The following ICMT variants were observed in gnomAD, a reference collection of about 807,000 sequenced individuals.
The protein encoded by ICMT is isoprenylcysteine carboxyl methyltransferase.
In ICMT, 10 loss-of-function variants were observed where a neutral mutation model predicts 32.2. That is an observed-to-expected ratio of 0.31 (90% CI 0.19 to 0.53). The LOEUF (loss-of-function observed/expected upper bound fraction) is 0.53. Ranked by LOEUF, ICMT falls within the 20% of genes least tolerant of loss-of-function variation. ICMT has a pLI of 0.96. For synonymous variants in ICMT, 183 were observed against 158.2 expected (o/e 1.16, Z -1.18); for missense variants, 265 against 356.9 (o/e 0.74, Z 2.07).
Position 6,223,690 on chromosome 1 carries a change from T to A in ICMT, c.*1390A>T, listed in dbSNP as rs969736381. On this transcript the variant is annotated 3_prime_UTR_variant, in exon 5 of 5. Coordinates refer to ENST00000343813, the MANE Select transcript of ICMT (RefSeq NM_012405.4). ...CAGTCCTCACAACACCCCTGTGAGG[T>A]AGGTGGTATTGACCCCATTCCACAG... 1.3e-5 allele frequency: 2 copies of A among 152,176 alleles called. No individual in the cohort carries two copies. Among genetic ancestry groups the A allele is most frequent in the African/African-American group, 4.8e-5 (2 of 41,448 alleles). The allele number at this position is 152,176 out of a possible 1,614,324, so 9.4% of individuals were successfully genotyped here.
At chr1:6,228,047 C>A (rs1668672419) in intron 4 of ICMT, among the ~76,000 whole-genome samples, 1 of 152,168 alleles carries the variant, frequency 6.6e-6, no homozygotes, top group Non-Finnish European at 1.5e-5. Flanking sequence ...CACTTATAGT[C>A]CCAGCTACTC....
chr1:6,235,656 G>A, intron 1 of ICMT, 61 bp downstream of exon 1: 2 of 1,076,862 alleles, frequency 1.9e-6, no homozygotes, highest in Non-Finnish European at 2.3e-6. Context: ...GTGCCCACGC[G>A]CCGCGCCAAG....
At position 6,224,847 on chromosome 1, in the gene ICMT, C is replaced by T. The variant is rs1039449919; in HGVS notation, c.*233G>A. 3.2e-5 allele frequency: 16 copies of T among 505,064 alleles called. No homozygotes were observed. Among genetic ancestry groups the T allele is most frequent in the African/African-American group, 2.3e-4 (12 of 51,188 alleles). 31.3% of individuals were successfully genotyped at this position (505,064 alleles called of 1,614,324 possible). On this transcript the variant is annotated 3_prime_UTR_variant, in exon 5 of 5. Transcript: ENST00000343813. Reference sequence around the variant, plus strand: ...GCTGTGGAATATTGCTGTGATTTGCCCCTTACTCGTCTTTCACCCATGTTC... The same window carrying T: ...GCTGTGGAATATTGCTGTGATTTGCTCCTTACTCGTCTTTCACCCATGTTC...
At position 6,222,605 on chromosome 1, in the gene ICMT, A is replaced by C. The variant is rs753995274; in HGVS notation, c.*2475T>G. ...GACAGCATTTCACCATGAAACCCTA[A>C]GACCTGCCTCCTGGGCTCCTTCCAG... On this transcript the variant is annotated 3_prime_UTR_variant, in exon 5 of 5. Coordinates refer to ENST00000343813, the MANE Select transcript of ICMT (RefSeq NM_012405.4). 4 of 152,284 alleles carry C rather than the reference A, an allele frequency of 2.6e-5. No homozygotes were observed. The highest frequency in any genetic ancestry group is 5.9e-5 in the Non-Finnish European group (4 of 68,082). The allele number at this position is 152,284 out of a possible 1,614,324, so 9.4% of individuals were successfully genotyped here.
Position 6,222,339 on chromosome 1 carries a change from C to G in ICMT, c.*2741G>C, listed in dbSNP as rs1668568466. On this transcript the variant is annotated 3_prime_UTR_variant, in exon 5 of 5. Coordinates refer to ENST00000343813, the MANE Select transcript of ICMT (RefSeq NM_012405.4). ...TCAGGAGGCTGAGGCAGGAGAATCGCTTGAACCCGGGAGGCAGAGGTTGCG... is the reference window on the plus strand; with the variant it reads ...TCAGGAGGCTGAGGCAGGAGAATCGGTTGAACCCGGGAGGCAGAGGTTGCG... 1 of 152,510 alleles carries G rather than the reference C, an allele frequency of 6.6e-6. No homozygotes were observed. Among genetic ancestry groups the G allele is most frequent in the African/African-American group, 2.4e-5 (1 of 41,462 alleles). 9.4% of individuals were successfully genotyped at this position (152,510 alleles called of 1,614,324 possible).
chr1:6,231,703 C>T (rs781487073), intron 4 of ICMT, among the ~76,000 whole-genome samples, 199 bp downstream of exon 4: 1 of 152,148 alleles, frequency 6.6e-6, no homozygotes, highest in Non-Finnish European at 1.5e-5. Context: ...GTTCTCTTGA[C>T]TTTTATTAAA....
At chr1:6,230,535 A>G (rs1475729784) in intron 4 of ICMT, among the ~76,000 whole-genome samples, 1 of 149,804 alleles carries the variant, frequency 6.7e-6, no homozygotes, top group Non-Finnish European at 1.5e-5. Context: ...GCAGTGAGCC[A>G]TGATCAGAAC....
intron 1 of ICMT, among the ~76,000 whole-genome samples, chr1:6,235,421 G>C (rs1668806985): frequency 6.6e-6 from 1 of 152,218 alleles, no homozygotes; most frequent in African/African-American, 2.4e-5. Context: ...TTTGACCTGA[G>C]ACAGGGCAGC....
rs961007748 is a variant in ICMT, at chr1:6,223,331, A to T, written c.*1749T>A. On this transcript the variant is annotated 3_prime_UTR_variant, in exon 5 of 5. Transcript: ENST00000343813. ...ATCATGTTGGCCAGGCTGGTCTCGA[A>T]CGCCTGACCTCATGATCCACCCGCC... The T allele has an allele frequency of 4.6e-5, 7 of 152,140 alleles. No individual in the cohort carries two copies. Among genetic ancestry groups the T allele is most frequent in the Admixed American group, 3.3e-4 (5 of 15,272 alleles). The allele number at this position is 152,140 out of a possible 1,614,324, so 9.4% of individuals were successfully genotyped here. A position where few individuals can be genotyped will look rare whatever the true frequency, so the allele number is the denominator to read the frequency against.
chr1:6,235,379 G>A (rs768121119), intron 1 of ICMT, among the ~76,000 whole-genome samples: 56 of 152,318 alleles, frequency 3.7e-4, no homozygotes, highest in Non-Finnish European at 6.8e-4. Context: ...CCGGGCCTGT[G>A]CGCCCAGCCC....
Position 6,235,951 on chromosome 1 carries a change from T to TAGCCCGGAGAACCGCGCCGGCTGC in ICMT, c.-41_-40insGCAGCCGGCGCGGTTCTCCGGGCT. The TAGCCCGGAGAACCGCGCCGGCTGC allele has an allele frequency of 9.7e-7, 1 of 1,026,544 alleles. No homozygotes were observed. Among genetic ancestry groups the TAGCCCGGAGAACCGCGCCGGCTGC allele is most frequent in the African/African-American group, 1.8e-5 (1 of 57,086 alleles). 63.6% of individuals were successfully genotyped at this position (1,026,544 alleles called of 1,614,324 possible). On this transcript the variant is annotated 5_prime_UTR_variant, in exon 1 of 5. Transcript: ENST00000343813. ...GACTAGCGGGCGGCGGCGCCGGCTG[T>TAGCCCGGAGAACCGCGCCGGCTGC]AGCCCGGAGAAACGCGCCGGCTGCG...
chr1:6,234,872 G>T lies in ICMT; in HGVS notation c.284+14C>A. ...CCCTCGCCTGAAAACCAGTATTTCC[G>T]AAGGAATTCTTACCAGCCAAAGTGA... On this transcript the variant is annotated intron_variant, in intron 2 of 4. Coordinates refer to ENST00000343813, the MANE Select transcript of ICMT (RefSeq NM_012405.4). 1 of 1,596,620 alleles carries T rather than the reference G, an allele frequency of 6.3e-7. No individual in the cohort carries two copies. The highest frequency in any genetic ancestry group is 8.6e-7 in the Non-Finnish European group (1 of 1,164,218).
chr1:6,230,786 G>C (rs1345839520), intron 4 of ICMT, among the ~76,000 whole-genome samples: 1 of 151,670 alleles, frequency 6.6e-6, no homozygotes, highest in Non-Finnish European at 1.5e-5. Context: ...CTACTCAGGA[G>C]GCTGAAGCAA....
intron 4 of ICMT, among the ~76,000 whole-genome samples, chr1:6,227,004 G>A (rs1668654889): frequency 6.6e-6 from 1 of 152,208 alleles, no homozygotes; most frequent in Non-Finnish European, 1.5e-5. Flanking sequence ...CCCTACAGTG[G>A]GAGTTCTCTA....
chr1:6,232,861 CTT>C (rs59948131), intron 3 of ICMT, among the ~76,000 whole-genome samples: 14 of 140,310 alleles, frequency 1.0e-4, no homozygotes, highest in Non-Finnish European at 1.4e-4. Flanking sequence ...TTAGTAAACT[CTT>C]TTTTTTTTTT....
In ICMT at chr1:6,233,371, G is replaced by A. The variant is rs145322199; in HGVS notation, c.454+103C>T. ...TGAGGATAGAGGTCTGCGGAAAATCGCTTGGGGGAGATTAGACCTGAAAGG... is the reference window on the plus strand; with the variant it reads ...TGAGGATAGAGGTCTGCGGAAAATCACTTGGGGGAGATTAGACCTGAAAGG... On this transcript the variant is annotated intron_variant, in intron 3 of 4. Transcript: ENST00000343813. 726 of 1,057,360 alleles carry A rather than the reference G, an allele frequency of 6.9e-4. No homozygotes were observed. In the African/African-American group the frequency reaches 9.2e-3, roughly 13 times the overall value. 65.5% of individuals were successfully genotyped at this position (1,057,360 alleles called of 1,614,324 possible).
chr1:6,222,920 G>A lies in ICMT; in HGVS notation c.*2160C>T, dbSNP rs998985386. 5 of 152,226 alleles carry A rather than the reference G, an allele frequency of 3.3e-5. No individual in the cohort carries two copies. Among genetic ancestry groups the A allele is most frequent in the African/African-American group, 7.2e-5 (3 of 41,450 alleles). The allele number at this position is 152,226 out of a possible 1,614,324, so 9.4% of individuals were successfully genotyped here. A position where few individuals can be genotyped will look rare whatever the true frequency, so the allele number is the denominator to read the frequency against. On this transcript the variant is annotated 3_prime_UTR_variant, in exon 5 of 5. Coordinates refer to ENST00000343813, the MANE Select transcript of ICMT (RefSeq NM_012405.4). The stretch of plus-strand genomic sequence containing the variant: ...GGAAGTGGAATTTGCTGCCCTAGGC[G>A]TGGTCTAAAGGACAAGTTTAGAAAT...
Position 6,234,921 on chromosome 1 carries a change from T to C in ICMT, c.249A>G (p.Leu83=), listed in dbSNP as rs558788817. ...LGFVFGCGTL[L]SFSQSSWSHF... is the part of the protein sequence containing the mutation. Reference sequence around the variant, plus strand: ...GACTCCAAGAAGACTGGCTAAAACTTAGCAGCGTGCCGCAGCCGAACACAA... The same window carrying C: ...GACTCCAAGAAGACTGGCTAAAACTCAGCAGCGTGCCGCAGCCGAACACAA... The change falls in exon 2 of 5, where the codon CTA becomes CTG. Residue 83 remains leucine, a synonymous_variant. Transcript: ENST00000343813. The C allele has an allele frequency of 5.1e-5, 82 of 1,613,990 alleles. No homozygotes were observed. The South Asian group carries it at 8.0e-4, about 16-fold the overall frequency.
At position 6,233,420 on chromosome 1, in the gene ICMT, C is replaced by T. The variant is rs908122753; in HGVS notation, c.454+54G>A. 9.8e-6 allele frequency: 15 copies of T among 1,530,056 alleles called. No individual in the cohort carries two copies. In the African/African-American group the frequency reaches 1.5e-4, roughly 15 times the overall value. 94.8% of individuals were successfully genotyped at this position (1,530,056 alleles called of 1,614,324 possible). On this transcript the variant is annotated intron_variant, in intron 3 of 4. Transcript: ENST00000343813. ...GGTGAATCAATGTCACTGTCCTCAG[C>T]CTGAATGGGAGCCACCCTTTTCCCC...
Sources: allele counts gnomAD v4.1 joint callset (sites outside exome capture counted in the v4.1 genomes callset), GRCh38; gene constraint gnomAD v4.1.1; transcripts MANE v1.5; gene names NCBI Gene and HGNC (gene_info 2026-07-23, HGNC 2026-07-21).